Variants in MARCHF2 observed in about 807,000 individuals in gnomAD.
MARCHF2 encodes the protein E3 ubiquitin-protein ligase MARCHF2.
Under a neutral mutation model 24.0 loss-of-function variants are expected in MARCHF2, and 22 were observed. The ratio of observed to expected loss-of-function variants is 0.92; its 90% CI spans 0.66 to 1.31. The LOEUF (loss-of-function observed/expected upper bound fraction) is 1.31. Among genes scored for constraint, MARCHF2 ranks in the 50% most tolerant of loss-of-function variants. The pLI is 0.00. For synonymous variants in MARCHF2, 154 were observed against 153.0 expected (o/e 1.01, Z -0.05); for missense variants, 301 against 335.3 (o/e 0.90, Z 0.80).
At position 8,430,090 on chromosome 19, in the gene MARCHF2, G is replaced by A. The variant is rs1000596483; in HGVS notation, c.373-568G>A. Among the ~76,000 whole-genome samples the A allele has an allele frequency of 1.3e-5, 2 of 152,028 alleles. No individual in the cohort carries two copies. Among genetic ancestry groups the A allele is most frequent in the East Asian group, 1.9e-4 (1 of 5,168 alleles). On this transcript the variant is annotated intron_variant, in intron 3 of 4. Coordinates refer to ENST00000215555, the MANE Select transcript of MARCHF2 (RefSeq NM_001005415.2). This position sits in a 1 kb window ranked among gnomAD's most constrained non-coding sequence, Gnocchi z 4.4. ...GTTTGAAAGAAGGAAAGGGCCAGGC[G>A]TGGTGGCTCACACCTGTAATCCCAG...
chr19:8,430,484 G>A lies in MARCHF2; in HGVS notation c.373-174G>A, dbSNP rs529046972. On this transcript the variant is annotated intron_variant, in intron 3 of 4. Transcript: ENST00000215555. This position sits in a 1 kb window ranked among gnomAD's most constrained non-coding sequence, Gnocchi z 4.4. ...CAGAAGGTCGAGGTTGCAGTGAGCC[G>A]AGATCACACCATTGCACTCCATCCT... is the stretch of plus-strand genomic sequence containing the variant. Among the ~76,000 whole-genome samples the A allele has an allele frequency of 2.7e-5, 4 of 150,896 alleles. No homozygotes were observed. The highest frequency in any genetic ancestry group is 6.6e-5 in the Admixed American group (1 of 15,128).
chr19:8,435,415 C>A (rs1448169868), intron 4 of MARCHF2, among the ~76,000 whole-genome samples: 5 of 152,120 alleles, frequency 3.3e-5, no homozygotes, highest in Admixed American at 6.6e-5. Context: ...TCACCCTGCT[C>A]CATACGCACA....
Position 8,430,644 on chromosome 19 carries a change from C to T in MARCHF2, c.373-14C>T. On this transcript the variant is annotated splice_polypyrimidine_tract_variant and intron_variant, in intron 3 of 4. Transcript: ENST00000215555. This position sits in a 1 kb window ranked among gnomAD's most constrained non-coding sequence, Gnocchi z 4.4. ...CTGCCCCCTCTCCTCTGCCCCCTAT[C>T]CTCTCCCCTGCAGTGGCTGAAGGAC... The T allele has an allele frequency of 1.2e-6, 2 of 1,604,466 alleles. No individual in the cohort carries two copies. The highest frequency in any genetic ancestry group is 1.7e-6 in the Non-Finnish European group (2 of 1,178,826).
At chr19:8,429,486 T>C (rs1188449540) in intron 3 of MARCHF2, among the ~76,000 whole-genome samples, 1 of 23,280 alleles carries the variant, frequency 4.3e-5, no homozygotes, top group Non-Finnish European at 7.8e-5. Context: ...GAACTTATTA[T>C]TATTATTATT....
chr19:8,423,735 C>T (rs1164446513), intron 2 of MARCHF2: 4 of 152,072 alleles, frequency 2.6e-5, no homozygotes, highest in African/African-American at 9.7e-5. Context: ...CGTGGTCGCT[C>T]ATGCCTGTAG....
At chr19:8,433,560 C>T (rs759114750) in intron 4 of MARCHF2, among the ~76,000 whole-genome samples, 6 of 150,672 alleles carry the variant, frequency 4.0e-5, no homozygotes, top group Non-Finnish European at 7.4e-5. Flanking sequence ...CCTGTAATCC[C>T]AGCTACTCAA....
chr19:8,428,412 C>CTA (rs1967471430), intron 3 of MARCHF2, among the ~76,000 whole-genome samples: 6 of 151,430 alleles, frequency 4.0e-5, no homozygotes, highest in Non-Finnish European at 7.4e-5. Flanking sequence ...TGCTTGAACC[C>CTA]GGGAGGCGGA....
Position 8,438,789 on chromosome 19 carries a change from G to A in MARCHF2, c.*243G>A, listed in dbSNP as rs367944537. The A allele has an allele frequency of 8.5e-5, 37 of 433,068 alleles. No homozygotes were observed. The highest frequency in any genetic ancestry group is 3.8e-5 in the East Asian group (1 of 26,528). The allele number at this position is 433,068 out of a possible 1,614,324, so 26.8% of individuals were successfully genotyped here. ...GTGGACATGGTCCTGAGCTCTGGAC[G>A]GAGCAGGCACCCTGATCTCATTCTG... On this transcript the variant is annotated 3_prime_UTR_variant, in exon 5 of 5. Coordinates refer to ENST00000215555, the MANE Select transcript of MARCHF2 (RefSeq NM_001005415.2).
intron 2 of MARCHF2, among the ~76,000 whole-genome samples, chr19:8,422,911 G>A: frequency 7.0e-6 from 1 of 142,058 alleles, no homozygotes; most frequent in Non-Finnish European, 1.5e-5. Flanking sequence ...CACCATGTTG[G>A]CCAGGCTGAT....
chr19:8,423,981 G>A (rs1356656985), intron 2 of MARCHF2, among the ~76,000 whole-genome samples: 4 of 108,546 alleles, frequency 3.7e-5, no homozygotes, highest in Admixed American at 3.5e-4. Flanking sequence ...CAGCCTGGGT[G>A]ACTCAAAAAA....
intron 2 of MARCHF2, among the ~76,000 whole-genome samples, chr19:8,425,640 G>C (rs1438484044): frequency 6.7e-6 from 1 of 149,122 alleles, no homozygotes; most frequent in African/African-American, 2.5e-5. Flanking sequence ...TTTTTGAGAC[G>C]GAGCCTCACT....
chr19:8,426,076 A>C (rs2145554359), intron 2 of MARCHF2, among the ~76,000 whole-genome samples: 1 of 151,518 alleles, frequency 6.6e-6, no homozygotes, highest in African/African-American at 2.4e-5. Flanking sequence ...AAATACAAAA[A>C]CACAATTAGC....
intron 3 of MARCHF2, among the ~76,000 whole-genome samples, chr19:8,428,891 C>G (rs549861747): frequency 6.6e-6 from 1 of 151,592 alleles, no homozygotes; most frequent in Non-Finnish European, 1.5e-5. Context: ...GCCAAGATTG[C>G]ACCACAGCAC....
intron 3 of MARCHF2, among the ~76,000 whole-genome samples, chr19:8,428,245 G>C (rs1207932026): frequency 6.8e-6 from 1 of 146,796 alleles, no homozygotes; most frequent in African/African-American, 2.5e-5. Context: ...GGGCGACAGA[G>C]TGAGACTCCA....
At chr19:8,424,564 G>T (rs1967345089) in intron 2 of MARCHF2, among the ~76,000 whole-genome samples, 2 of 152,054 alleles carry the variant, frequency 1.3e-5, no homozygotes, top group Admixed American at 1.3e-4. Flanking sequence ...CTACTCTGGA[G>T]GCTGAGGCAG....
chr19:8,426,694 G>A lies in MARCHF2; in HGVS notation c.262G>A (p.Ala88Thr). The change falls in exon 3 of 5, where the codon GCC becomes ACC. Residue 88 changes from alanine to threonine, a missense_variant. Ala to Thr is a moderately conservative substitution (Grantham distance 58). Transcript: ENST00000215555. The stretch of plus-strand genomic sequence containing the variant: ...GTGTGGCTGCACCGGCACGCTGGGT[G>A]CCGTGCATAAGAGCTGTCTGGAGAA... ...SPCGCTGTLG[A>T]VHKSCLEKWL... The A allele has an allele frequency of 6.2e-7, 1 of 1,613,880 alleles. No individual in the cohort carries two copies. The highest frequency in any genetic ancestry group is 1.1e-5 in the South Asian group (1 of 91,070).
intron 4 of MARCHF2, among the ~76,000 whole-genome samples, chr19:8,434,393 A>G (rs1370578823): frequency 6.6e-6 from 1 of 151,696 alleles, no homozygotes; most frequent in Non-Finnish European, 1.5e-5. Context: ...CCCTACCAGC[A>G]TATTTTAAAA....
chr19:8,415,739 A>AAAAAC (rs1568233677), intron 1 of MARCHF2, among the ~76,000 whole-genome samples: 11 of 96,836 alleles, frequency 1.1e-4, no homozygotes, highest in African/African-American at 4.0e-4. Flanking sequence ...AAAAAACAAA[A>AAAAAC]AAAACAAAAA....
chr19:8,430,603 C>A lies in MARCHF2; in HGVS notation c.373-55C>A. The A allele has an allele frequency of 6.8e-7, 1 of 1,473,124 alleles. No individual in the cohort carries two copies. The highest frequency in any genetic ancestry group is 1.1e-5 in the South Asian group (1 of 88,216). 91.3% of individuals were successfully genotyped at this position (1,473,124 alleles called of 1,614,324 possible). A position where few individuals can be genotyped will look rare whatever the true frequency, so the allele number is the denominator to read the frequency against. On this transcript the variant is annotated intron_variant, in intron 3 of 4. Coordinates refer to ENST00000215555, the MANE Select transcript of MARCHF2 (RefSeq NM_001005415.2). This position sits in a 1 kb window ranked among gnomAD's most constrained non-coding sequence, Gnocchi z 4.4. ...GGCCTGGAGGTCCTTACCCCTCCCC[C>A]TCAGTAGCCCCTTCTCTGCCCCCTC...
Sources: allele counts gnomAD v4.1 joint callset (sites outside exome capture counted in the v4.1 genomes callset), GRCh38; gene constraint gnomAD v4.1.1; non-coding constraint Gnocchi (gnomAD v3.1); transcripts MANE v1.5; gene names NCBI Gene and HGNC (gene_info 2026-07-23, HGNC 2026-07-21).